RANGRF: variants seen among roughly 807,000 people sequenced by gnomAD.
RANGRF encodes MOG1 homolog.
Under a neutral mutation model 21.8 loss-of-function variants are expected in RANGRF, and 17 were observed. That is an observed-to-expected ratio of 0.78 (90% CI 0.53 to 1.17). The LOEUF is 1.17. Among genes scored for constraint, RANGRF ranks in the 50% most tolerant of loss-of-function variants. The probability of loss-of-function intolerance (pLI) is 0.00; values close to 1 mark genes in which losing one functional copy is unlikely to be tolerated. For missense variants in RANGRF, 225 were observed against 235.5 expected (o/e 0.96, Z 0.29); for synonymous variants, 97 against 94.3 (o/e 1.03, Z -0.17).
At position 8,289,489 on chromosome 17, in the gene RANGRF, T is replaced by C. The variant is rs1990308727; in HGVS notation, c.352-14T>C. 1 of 1,614,040 alleles carries C rather than the reference T, an allele frequency of 6.2e-7. No individual in the cohort carries two copies. The highest frequency in any genetic ancestry group is 1.1e-5 in the South Asian group (1 of 91,086). On this transcript the variant is annotated splice_polypyrimidine_tract_variant and intron_variant, in intron 3 of 4. Transcript: ENST00000226105. ...CAGAGATCCAGGTAAGCATCCTGAC[T>C]CTGATCCCCTTAGGTAGCAAAGGAC... is the stretch of plus-strand genomic sequence containing the variant.
In RANGRF at chr17:8,289,520, ACTT is replaced by A. The variant is rs989144688; in HGVS notation, c.371_373del (p.Leu124del). 3 of 1,614,156 alleles carry A rather than the reference ACTT, an allele frequency of 1.9e-6. No individual in the cohort carries two copies. ...CCCCTTAGGTAGCAAAGGACGTGAC[ACTT>A]CATCAGGCCTTGCTGAGGCTGCCCC... On this transcript the variant is annotated inframe_deletion, in exon 4 of 5. Coordinates refer to ENST00000226105, the MANE Select transcript of RANGRF (RefSeq NM_016492.5).
chr17:8,289,110 G>A (rs758641452), intron 2 of RANGRF, 38 bp downstream of exon 2: 6 of 1,607,228 alleles, frequency 3.7e-6, no homozygotes, highest in South Asian at 1.1e-5. Flanking sequence ...TGGCAGGGGC[G>A]GGGTCGGACC....
chr17:8,289,490 C>CT lies in RANGRF; in HGVS notation c.352-12dup. ...AGAGATCCAGGTAAGCATCCTGACT[C>CT]TGATCCCCTTAGGTAGCAAAGGACG... On this transcript the variant is annotated splice_polypyrimidine_tract_variant and intron_variant, in intron 3 of 4. Transcript: ENST00000226105. 1 of 1,614,188 alleles carries CT rather than the reference C, an allele frequency of 6.2e-7. No individual in the cohort carries two copies. The highest frequency in any genetic ancestry group is 8.5e-7 in the Non-Finnish European group (1 of 1,180,032).
Position 8,288,863 on chromosome 17 carries a change from A to C in RANGRF, c.75A>C (p.Val25=), listed in dbSNP as rs140016697. 6.2e-7 allele frequency: 1 copy of C among 1,614,064 alleles called. No individual in the cohort carries two copies. Among genetic ancestry groups the C allele is most frequent in the Non-Finnish European group, 8.5e-7 (1 of 1,180,020 alleles). The stretch of plus-strand genomic sequence containing the variant: ...TCCTCCCCATGGGGGCCATTGACGT[A>C]AGGTGAGAAGGCCGGGGCGCCCAGG... ...SAILPMGAID[V]SDLRPVPDNQ... is the part of the protein sequence containing the mutation. Residue 25 remains valine (V), a splice_region_variant and synonymous_variant, in exon 1 of 5, where the codon GTA becomes GTC. Coordinates refer to ENST00000226105, the MANE Select transcript of RANGRF (RefSeq NM_016492.5).
At position 8,289,605 on chromosome 17, in the gene RANGRF, G is replaced by C. The variant is rs1409646277; in HGVS notation, c.437+17G>C. 1 of 1,610,022 alleles carries C rather than the reference G, an allele frequency of 6.2e-7. No individual in the cohort carries two copies. The highest frequency in any genetic ancestry group is 8.5e-7 in the Non-Finnish European group (1 of 1,176,824). ...TCAGCCCCCGTAAGGAGGAAGGAAC[G>C]GGCGGGTATCTCATGACTGGGTTCC... On this transcript the variant is annotated intron_variant, in intron 4 of 4. Transcript: ENST00000226105.
In RANGRF at chr17:8,289,845, A is replaced by G; in HGVS notation, c.470A>G (p.Asn157Ser). 3 of 1,614,008 alleles carry G rather than the reference A, an allele frequency of 1.9e-6. No homozygotes were observed. Among genetic ancestry groups the G allele is most frequent in the Non-Finnish European group, 2.5e-6 (3 of 1,180,016 alleles). The change falls in exon 5 of 5, where the codon AAT becomes AGT. Residue 157 changes from asparagine (N) to serine (S), a missense_variant. Transcript: ENST00000226105. ...AACAGGTCATCTCTTGGCCCCGAAA[A>G]TCTGTCACCTGCACCCTGGAGCCTG... is the stretch of plus-strand genomic sequence containing the variant. ...PDNRSSLGPE[N>S]LSPAPWSLGD...
In RANGRF at chr17:8,289,534, T is replaced by C. The variant is rs769793394; in HGVS notation, c.383T>C (p.Leu128Ser). The change falls in exon 4 of 5, where the codon TTG (leucine) becomes TCG (serine). Residue 128 changes from leucine to serine, a missense_variant. By Grantham distance (145) the Leu-to-Ser change is moderately radical (BLOSUM62 -2). Coordinates refer to ENST00000226105, the MANE Select transcript of RANGRF (RefSeq NM_016492.5). ...VAKDVTLHQA[L>S]LRLPQYQTDL... ...AAGGACGTGACACTTCATCAGGCCT[T>C]GCTGAGGCTGCCCCAGTACCAGACT... 2.5e-6 allele frequency: 4 copies of C among 1,614,062 alleles called. No homozygotes were observed. In the Admixed American group the frequency reaches 6.7e-5, roughly 27 times the overall value.
rs1158207303 is a variant in RANGRF, at chr17:8,289,382, G to A, written c.319G>A (p.Gly107Ser). ...GRCQEAWVLSGKQQIAKENQQ... is the reference protein window; with the variant it reads ...GRCQEAWVLSSKQQIAKENQQ... ...CTGTCAAGAAGCCTGGGTCCTCTCT[G>A]GCAAGCAGCAGATAGCTAAGGAAAA... Residue 107 changes from glycine to serine, a missense_variant, in exon 3 of 5, where the codon GGC becomes AGC. By Grantham distance (56) the Gly-to-Ser change is moderately conservative. Coordinates refer to ENST00000226105, the MANE Select transcript of RANGRF (RefSeq NM_016492.5). 1 of 1,614,128 alleles carries A rather than the reference G, an allele frequency of 6.2e-7. No individual in the cohort carries two copies.
rs748020058 is a variant in RANGRF, at chr17:8,288,971, C to A, written c.93C>A (p.Val31=). 6.2e-7 allele frequency: 1 copy of A among 1,614,020 alleles called. No individual in the cohort carries two copies. Among genetic ancestry groups the A allele is most frequent in the Non-Finnish European group, 8.5e-7 (1 of 1,180,040 alleles). The change falls in exon 2 of 5, where the codon GTC becomes GTA. Residue 31 remains valine (V), a synonymous_variant. Transcript: ENST00000226105. ...GAIDVSDLRP[V]PDNQEVFCHP... ...CTCACTCCAGCGACCTCCGACCGGTCCCGGACAATCAAGAAGTTTTCTGCC... is the reference window on the plus strand; with the variant it reads ...CTCACTCCAGCGACCTCCGACCGGTACCGGACAATCAAGAAGTTTTCTGCC...
At chr17:8,289,663 G>A (rs750928760) in intron 4 of RANGRF, 75 bp downstream of exon 4, 1 of 1,606,356 alleles carries the variant, frequency 6.2e-7, no homozygotes, top group African/African-American at 1.3e-5. Flanking sequence ...ACAGAACAGG[G>A]AGACTCACTG....
rs557355667 is a variant in RANGRF at position 8,289,383 on chromosome 17, G to A, written c.320G>A (p.Gly107Asp). The A allele has an allele frequency of 6.2e-7, 1 of 1,614,106 alleles. No individual in the cohort carries two copies. Among genetic ancestry groups the A allele is most frequent in the Admixed American group, 1.7e-5 (1 of 59,998 alleles). Residue 107 changes from glycine (G) to aspartate (D), a missense_variant, in exon 3 of 5, where the codon GGC (glycine) becomes GAC (aspartate). Transcript: ENST00000226105. ...GRCQEAWVLS[G>D]KQQIAKENQQ... Reference sequence around the variant, plus strand: ...TGTCAAGAAGCCTGGGTCCTCTCTGGCAAGCAGCAGATAGCTAAGGAAAAC... The same window carrying A: ...TGTCAAGAAGCCTGGGTCCTCTCTGACAAGCAGCAGATAGCTAAGGAAAAC...
At position 8,288,977 on chromosome 17, in the gene RANGRF, C is replaced by T; in HGVS notation, c.99C>T (p.Asp33=). The change falls in exon 2 of 5, where the codon GAC becomes GAT. Residue 33 remains aspartate (D), a synonymous_variant. Coordinates refer to ENST00000226105, the MANE Select transcript of RANGRF (RefSeq NM_016492.5). ...IDVSDLRPVP[D]NQEVFCHPVT... ...CCAGCGACCTCCGACCGGTCCCGGA[C>T]AATCAAGAAGTTTTCTGCCATCCCG... 6.2e-7 allele frequency: 1 copy of T among 1,614,150 alleles called. No individual in the cohort carries two copies. The highest frequency in any genetic ancestry group is 8.5e-7 in the Non-Finnish European group (1 of 1,180,040).
chr17:8,288,978 A>G lies in RANGRF; in HGVS notation c.100A>G (p.Asn34Asp), dbSNP rs371105217. The change falls in exon 2 of 5, where the codon AAT becomes GAT. Residue 34 changes from asparagine to aspartate, a missense_variant. Coordinates refer to ENST00000226105, the MANE Select transcript of RANGRF (RefSeq NM_016492.5). The part of the protein sequence containing the change: ...DVSDLRPVPD[N>D]QEVFCHPVTD... Reference sequence around the variant, plus strand: ...CAGCGACCTCCGACCGGTCCCGGACAATCAAGAAGTTTTCTGCCATCCCGT... The same window carrying G: ...CAGCGACCTCCGACCGGTCCCGGACGATCAAGAAGTTTTCTGCCATCCCGT... 8.1e-6 allele frequency: 13 copies of G among 1,614,038 alleles called. No homozygotes were observed. The African/African-American group carries it at 1.6e-4, about 20-fold the overall frequency.
Position 8,290,080 on chromosome 17 carries a change from A to G in RANGRF, c.*144A>G. Reference sequence around the variant, plus strand: ...TCCCTCTTCAGAATAAACTTGCTTTATAATCAATATAATCTCTGTGCCTTT... The same window carrying G: ...TCCCTCTTCAGAATAAACTTGCTTTGTAATCAATATAATCTCTGTGCCTTT... On this transcript the variant is annotated 3_prime_UTR_variant, in exon 5 of 5. Transcript: ENST00000226105. 8 of 1,532,260 alleles carry G rather than the reference A, an allele frequency of 5.2e-6. No individual in the cohort carries two copies. The highest frequency in any genetic ancestry group is 6.1e-6 in the Non-Finnish European group (7 of 1,139,890). The allele number at this position is 1,532,260 out of a possible 1,614,324, so 94.9% of individuals were successfully genotyped here.
chr17:8,289,346 C>G lies in RANGRF; in HGVS notation c.283C>G (p.Leu95Val). 1 of 1,614,158 alleles carries G rather than the reference C, an allele frequency of 6.2e-7. No individual in the cohort carries two copies. Among genetic ancestry groups the G allele is most frequent in the Non-Finnish European group, 8.5e-7 (1 of 1,180,036 alleles). Residue 95 changes from leucine (L) to valine (V), a missense_variant, in exon 3 of 5, where the codon CTG becomes GTG. Leu to Val is a conservative substitution (Grantham distance 32). Transcript: ENST00000226105. ...GCCTCTCAGTTTGGAGAACCTGGCC[C>G]TGAGGGGCCGCTGTCAAGAAGCCTG... ...VQPLSLENLALRGRCQEAWVL... is the reference protein window; with the variant it reads ...VQPLSLENLAVRGRCQEAWVL...
Position 8,289,291 on chromosome 17 carries a change from G to A in RANGRF, c.228G>A (p.Gly76=). ...YHFEDVGGVQ[G]ARAVHVESVQ... The stretch of plus-strand genomic sequence containing the variant: ...TTGAGGATGTTGGTGGCGTGCAGGG[G>A]GCTAGGGCTGTCCATGTGGAGTCTG... The change falls in exon 3 of 5, where the codon GGG becomes GGA. Residue 76 remains glycine, a synonymous_variant. Transcript: ENST00000226105. 1.2e-6 allele frequency: 2 copies of A among 1,613,974 alleles called. No homozygotes were observed. Among genetic ancestry groups the A allele is most frequent in the African/African-American group, 1.3e-5 (1 of 75,024 alleles).
chr17:8,289,144 G>A, intron 2 of RANGRF, 72 bp downstream of exon 2: 1 of 1,601,800 alleles, frequency 6.2e-7, no homozygotes, highest in Non-Finnish European at 8.5e-7. Context: ...CGCGGCCGAC[G>A]GTTAATCCGG....
Position 8,289,276 on chromosome 17 carries a change from T to C in RANGRF, c.213T>C (p.Val71=). ...EAAARYHFED[V]GGVQGARAVH... ...ACTCCAGGTACCACTTTGAGGATGT[T>C]GGTGGCGTGCAGGGGGCTAGGGCTG... The change falls in exon 3 of 5, where the codon GTT becomes GTC. Residue 71 remains valine, a synonymous_variant. Coordinates refer to ENST00000226105, the MANE Select transcript of RANGRF (RefSeq NM_016492.5). 1.2e-6 allele frequency: 2 copies of C among 1,613,790 alleles called. No individual in the cohort carries two copies. Among genetic ancestry groups the C allele is most frequent in the Non-Finnish European group, 1.7e-6 (2 of 1,180,018 alleles).
chr17:8,288,744 A>C lies in RANGRF; in HGVS notation c.-45A>C, dbSNP rs753158585. On this transcript the variant is annotated 5_prime_UTR_variant, in exon 1 of 5. Coordinates refer to ENST00000226105, the MANE Select transcript of RANGRF (RefSeq NM_016492.5). ...GCCGATGCCACGTGACCCAATGTGG[A>C]CTTCTTTTAAACCTTTCTAATGCCC... 5.0e-6 allele frequency: 8 copies of C among 1,604,870 alleles called. No homozygotes were observed. Among genetic ancestry groups the C allele is most frequent in the African/African-American group, 4.0e-5 (3 of 74,720 alleles).
Sources: allele counts gnomAD v4.1 joint callset, GRCh38; gene constraint gnomAD v4.1.1; transcripts MANE v1.5; gene names NCBI Gene and HGNC (gene_info 2026-07-23, HGNC 2026-07-21).